The following PTPRR variants were observed in gnomAD, a reference collection of about 807,000 sequenced individuals.
PTPRR encodes the protein receptor-type tyrosine-protein phosphatase R.
A neutral mutation model predicts 77.2 loss-of-function variants in PTPRR; 38 were observed. The ratio of observed to expected loss-of-function variants is 0.49; its 90% CI spans 0.38 to 0.65. The LOEUF (loss-of-function observed/expected upper bound fraction) is 0.65, where lower values mean the gene tolerates loss of function less well. Among genes scored for constraint, PTPRR ranks in the 30% least tolerant of loss-of-function variants. The pLI is 0.00. For synonymous variants in PTPRR, 299 were observed against 283.1 expected (o/e 1.06, Z -0.57); for missense variants, 744 against 799.2 (o/e 0.93, Z 0.83).
chr12:70,892,427 TTATTAAGC>T lies in PTPRR; in HGVS notation c.357+244_357+251del, dbSNP rs1187656572. ...CTAAAGTAATCTTTTATTCAAATAT[TTATTAAGC>T]ATCTACCATGTACCATGCATTCTGC... On this transcript the variant is annotated intron_variant, in intron 2 of 13. Transcript: ENST00000283228. Among the ~76,000 whole-genome samples, 159 of 152,120 alleles carry T rather than the reference TTATTAAGC, an allele frequency of 1.0e-3. 1 individual carries two copies. Among genetic ancestry groups the T allele is most frequent in the African/African-American group, 3.7e-3 (153 of 41,548 alleles).
intron 2 of PTPRR, among the ~76,000 whole-genome samples, chr12:70,888,057 C>G (rs991904928): frequency 4.7e-5 from 6 of 128,662 alleles, no homozygotes; most frequent in Non-Finnish European, 8.3e-5. Context: ...GTGATATGAT[C>G]TGATTCAAAC....
intron 10 of PTPRR, among the ~76,000 whole-genome samples, chr12:70,678,595 C>T (rs1034162646): frequency 2.0e-5 from 3 of 151,736 alleles, no homozygotes; most frequent in Admixed American, 6.6e-5. Context: ...TTGTATTTTT[C>T]TGTCTGTATT....
chr12:70,869,443 A>G (rs937811458), intron 2 of PTPRR, among the ~76,000 whole-genome samples: 1 of 152,170 alleles, frequency 6.6e-6, no homozygotes, highest in African/African-American at 2.4e-5. Context: ...CCAAAGTGGG[A>G]CACTATTATC....
chr12:70,766,736 A>T (rs1890833799), intron 2 of PTPRR, among the ~76,000 whole-genome samples: 1 of 151,964 alleles, frequency 6.6e-6, no homozygotes, highest in African/African-American at 2.4e-5. Flanking sequence ...GTTGAAAAGA[A>T]GGAAAAAATG....
At chr12:70,678,739 T>C (rs1887543618) in intron 10 of PTPRR, among the ~76,000 whole-genome samples, 1 of 152,188 alleles carries the variant, frequency 6.6e-6, no homozygotes, top group African/African-American at 2.4e-5. Context: ...TGGAGTGCAG[T>C]GGCATGATCT....
intron 2 of PTPRR, among the ~76,000 whole-genome samples, chr12:70,827,346 G>A (rs1892128723): frequency 6.6e-6 from 1 of 152,082 alleles, no homozygotes; most frequent in Non-Finnish European, 1.5e-5. Flanking sequence ...GCTCTAGACT[G>A]AGTGGCTTAA....
chr12:70,733,915 C>A (rs1889774851), intron 6 of PTPRR, among the ~76,000 whole-genome samples: 3 of 152,230 alleles, frequency 2.0e-5, no homozygotes, highest in Admixed American at 2.0e-4. Flanking sequence ...TGCCTCACTT[C>A]CCAGGAAAAC....
At chr12:70,640,482 T>C (rs1417292043) in intron 13 of PTPRR, among the ~76,000 whole-genome samples, 2 of 152,170 alleles carry the variant, frequency 1.3e-5, no homozygotes, top group African/African-American at 2.4e-5. Context: ...ATAATTATGA[T>C]TTTTTAGCTT....
At chr12:70,679,970 C>A (rs369521701) in intron 10 of PTPRR, among the ~76,000 whole-genome samples, 2 of 152,202 alleles carry the variant, frequency 1.3e-5, no homozygotes, top group African/African-American at 4.8e-5. Context: ...CTTTCTTCTA[C>A]TTTTATTGTT....
At chr12:70,845,290 A>G (rs772483512) in intron 2 of PTPRR, among the ~76,000 whole-genome samples, 2 of 152,136 alleles carry the variant, frequency 1.3e-5, no homozygotes, top group Non-Finnish European at 2.9e-5. Flanking sequence ...TAAAAAAGGG[A>G]ACATATTAGG....
chr12:70,882,930 T>C (rs1317930301), intron 2 of PTPRR, among the ~76,000 whole-genome samples: 4 of 152,208 alleles, frequency 2.6e-5, no homozygotes, highest in Non-Finnish European at 5.9e-5. Flanking sequence ...TGTTTTATCA[T>C]TTAATCTATA....
At chr12:70,750,690 G>T (rs1168066838) in intron 5 of PTPRR, among the ~76,000 whole-genome samples, 1 of 152,026 alleles carries the variant, frequency 6.6e-6, no homozygotes, top group African/African-American at 2.4e-5. Context: ...TGAACTTCCC[G>T]TCTGTGTGCT....
Position 70,714,128 on chromosome 12 carries a change from T to C in PTPRR, c.1008-12805A>G, listed in dbSNP as rs73329595. Among the ~76,000 whole-genome samples the C allele has an allele frequency of 6.8e-3, 1,029 of 152,258 alleles. 14 individuals are homozygous for C. The highest frequency in any genetic ancestry group is 0.024 in the African/African-American group (983 of 41,556). On this transcript the variant is annotated intron_variant, in intron 6 of 13. Transcript: ENST00000283228. ...TGTGGTCTTCATGACTGTGTCTGCC[T>C]ACATTATTATTCAAATAATGTGGTT... is the stretch of plus-strand genomic sequence containing the variant.
intron 6 of PTPRR, among the ~76,000 whole-genome samples, chr12:70,744,049 G>A (rs566192657): frequency 5.3e-5 from 8 of 152,026 alleles, no homozygotes; most frequent in East Asian, 1.9e-4. Flanking sequence ...CCGGCCCTTC[G>A]TTCATCACTG....
rs1890888152 is a variant in PTPRR at position 70,768,599 on chromosome 12, A to T, written c.358-3821T>A. 2.0e-5 allele frequency among the ~76,000 whole-genome samples: 3 copies of T among 152,344 alleles called. No homozygotes were observed. The South Asian group carries it at 6.2e-4, about 32-fold the overall frequency. Reference sequence around the variant, plus strand: ...AGAGGTACAAGGAGGAACTGGTACCATTCCTTCTGAAACTATTCCAATCAA... The same window carrying T: ...AGAGGTACAAGGAGGAACTGGTACCTTTCCTTCTGAAACTATTCCAATCAA... On this transcript the variant is annotated intron_variant, in intron 2 of 13. Transcript: ENST00000283228.
chr12:70,869,389 C>G (rs1274305340), intron 2 of PTPRR, among the ~76,000 whole-genome samples: 1 of 152,000 alleles, frequency 6.6e-6, no homozygotes, highest in Non-Finnish European at 1.5e-5. Context: ...GAGGGGAACT[C>G]CAGATGCTGC....
intron 10 of PTPRR, chr12:70,664,348 C>A (rs956843182): frequency 6.6e-6 from 1 of 152,182 alleles, no homozygotes; most frequent in African/African-American, 2.4e-5. Context: ...TGCCTGGTTT[C>A]TTTCAATGAA....
At chr12:70,896,036 A>T (rs1365114068) in intron 1 of PTPRR, among the ~76,000 whole-genome samples, 1 of 151,686 alleles carries the variant, frequency 6.6e-6, no homozygotes, top group Non-Finnish European at 1.5e-5. Flanking sequence ...TTAAAGTGAA[A>T]GAGTGAAAAG....
chr12:70,857,953 C>G (rs1475687704), intron 2 of PTPRR, among the ~76,000 whole-genome samples: 1 of 152,064 alleles, frequency 6.6e-6, no homozygotes, highest in Non-Finnish European at 1.5e-5. Flanking sequence ...GATCTCCCTT[C>G]AAGAAAGGAC....
Sources: gnomAD v4.1 joint callset for allele counts (sites outside exome capture counted in the v4.1 genomes callset) on GRCh38, gnomAD v4.1.1 for gene constraint, MANE v1.5 for transcripts, NCBI Gene and HGNC (gene_info 2026-07-23, HGNC 2026-07-21) for gene names.